Variants in NOSIP observed in about 807,000 individuals in gnomAD.
NOSIP encodes the protein nitric oxide synthase interacting protein, also known as nitric oxide synthase-interacting protein.
In NOSIP, 25 loss-of-function variants were observed where a neutral mutation model predicts 36.4. The ratio of observed to expected loss-of-function variants is 0.69; its 90% CI spans 0.50 to 0.96. NOSIP has a LOEUF of 0.96. NOSIP is among the 40% of genes least tolerant of loss of function. The pLI is 0.00. For synonymous variants in NOSIP, 187 were observed against 179.2 expected, an observed-to-expected ratio of 1.04 and a Z score of -0.35; for missense variants, 370 against 429.0, an observed-to-expected ratio of 0.86 and a Z score of 1.21.
intron 1 of NOSIP, among the ~76,000 whole-genome samples, chr19:49,569,899 G>C (rs902671621): frequency 1.3e-5 from 2 of 151,886 alleles, no homozygotes; most frequent in Non-Finnish European, 2.9e-5. Flanking sequence ...ATCACCTGAG[G>C]TCAGGAGTTC....
chr19:49,559,155 G>A (rs1321651470), intron 3 of NOSIP, 177 bp from the exon 4 acceptor site: 11 of 623,998 alleles, frequency 1.8e-5, no homozygotes, highest in African/African-American at 1.6e-4. Flanking sequence ...TGCAGTGAAA[G>A]GATGCAGATT....
chr19:49,568,828 G>C (rs977248436), intron 1 of NOSIP, among the ~76,000 whole-genome samples: 1 of 137,198 alleles, frequency 7.3e-6, no homozygotes, highest in Non-Finnish European at 1.5e-5. Flanking sequence ...TTTTGAGACA[G>C]AGTCTTGCTC....
chr19:49,560,756 C>T lies in NOSIP; in HGVS notation c.-1-64G>A. 1 of 1,239,982 alleles carries T rather than the reference C, an allele frequency of 8.1e-7. No homozygotes were observed. Among genetic ancestry groups the T allele is most frequent in the South Asian group, 1.3e-5 (1 of 78,052 alleles). 76.8% of individuals were successfully genotyped at this position (1,239,982 alleles called of 1,614,324 possible). On this transcript the variant is annotated intron_variant, in intron 1 of 8. Coordinates refer to ENST00000596358, the MANE Select transcript of NOSIP (RefSeq NM_001270960.2). This position sits in a 1 kb window ranked among gnomAD's most constrained non-coding sequence, Gnocchi z 4.6. The stretch of plus-strand genomic sequence containing the variant: ...GAGGCAGGCAGCACAGGGAAGACCT[C>T]TGCAGCCCTCAGAGCTGATCTGCCC...
intron 1 of NOSIP, among the ~76,000 whole-genome samples, chr19:49,578,983 A>G (rs941739891): frequency 1.3e-5 from 2 of 152,344 alleles, no homozygotes; most frequent in East Asian, 1.9e-4. Context: ...TGAGACCACA[A>G]AAAAGCAAAC....
In NOSIP at chr19:49,557,253, C is replaced by T. The variant is rs138047585; in HGVS notation, c.259-4G>A. 4.4e-6 allele frequency: 7 copies of T among 1,576,548 alleles called. No individual in the cohort carries two copies. Among genetic ancestry groups the T allele is most frequent in the Non-Finnish European group, 6.0e-6 (7 of 1,162,364 alleles). On this transcript the variant is annotated splice_polypyrimidine_tract_variant and splice_region_variant and intron_variant, in intron 4 of 8. Transcript: ENST00000596358. Reference sequence around the variant, plus strand: ...TGCCCCGCTGCTTCTCGTAGGCCTGCGTCGGGGAAAGTGGGCTGAGCATCT... The same window carrying T: ...TGCCCCGCTGCTTCTCGTAGGCCTGTGTCGGGGAAAGTGGGCTGAGCATCT...
rs764246231 is a variant in NOSIP at position 49,555,725 on chromosome 19, C to T, written c.*26G>A. On this transcript the variant is annotated 3_prime_UTR_variant, in exon 9 of 9. Transcript: ENST00000596358. ...GCGCCACGTCGTTGCGCACCCAAGCCGGTTTATTTGGTCTCCCGCACACAC... is the reference window on the plus strand; with the variant it reads ...GCGCCACGTCGTTGCGCACCCAAGCTGGTTTATTTGGTCTCCCGCACACAC... 3.1e-6 allele frequency: 5 copies of T among 1,605,268 alleles called. No homozygotes were observed. The highest frequency in any genetic ancestry group is 2.7e-5 in the African/African-American group (2 of 74,758).
At chr19:49,575,371 C>G (rs2080538476) in intron 1 of NOSIP, among the ~76,000 whole-genome samples, 1 of 152,152 alleles carries the variant, frequency 6.6e-6, no homozygotes, top group South Asian at 2.1e-4. Context: ...TCCACAAAGG[C>G]CCTACCTCCA....
intron 1 of NOSIP, among the ~76,000 whole-genome samples, chr19:49,573,745 C>T (rs569356041): frequency 6.6e-6 from 1 of 152,188 alleles, no homozygotes; most frequent in African/African-American, 2.4e-5. Context: ...TGAACACATT[C>T]GGTCCTCATG....
chr19:49,557,436 G>C, intron 4 of NOSIP, 187 bp from the exon 5 acceptor site: 1 of 1,422,944 alleles, frequency 7.0e-7, no homozygotes, highest in Middle Eastern at 2.6e-4. Flanking sequence ...GACTGCCAGG[G>C]CTCAAAGCCC....
At chr19:49,570,024 G>A (rs1274390099) in intron 1 of NOSIP, among the ~76,000 whole-genome samples, 1 of 151,856 alleles carries the variant, frequency 6.6e-6, no homozygotes, top group East Asian at 1.9e-4. Flanking sequence ...CACAAGAATC[G>A]CTTGAACCCA....
chr19:49,571,715 G>A (rs978995688), intron 1 of NOSIP, among the ~76,000 whole-genome samples: 3 of 152,068 alleles, frequency 2.0e-5, no homozygotes, highest in African/African-American at 4.8e-5. Context: ...GGCTGGCCAC[G>A]GTGGCTTAAA....
At chr19:49,575,425 G>C (rs960433892) in intron 1 of NOSIP, among the ~76,000 whole-genome samples, 3 of 152,056 alleles carry the variant, frequency 2.0e-5, no homozygotes, top group African/African-American at 7.2e-5. Flanking sequence ...ATACGAATCT[G>C]GGGGGGACAT....
intron 1 of NOSIP, among the ~76,000 whole-genome samples, chr19:49,564,595 C>T (rs1385112287): frequency 6.6e-6 from 1 of 151,992 alleles, no homozygotes; most frequent in Non-Finnish European, 1.5e-5. Flanking sequence ...CAGGGGAGTG[C>T]AGACCAGCAC....
chr19:49,558,325 T>C (rs2080284350), intron 4 of NOSIP: 1 of 149,382 alleles, frequency 6.7e-6, no homozygotes, highest in African/African-American at 2.5e-5. Flanking sequence ...CTCAGCTCAC[T>C]GCGACCTCTA....
chr19:49,576,609 G>T (rs914877249), intron 1 of NOSIP, among the ~76,000 whole-genome samples: 4 of 151,696 alleles, frequency 2.6e-5, no homozygotes, highest in Admixed American at 6.6e-5. Context: ...AAAATGCCAG[G>T]TGAGGTGGCT....
intron 1 of NOSIP, among the ~76,000 whole-genome samples, chr19:49,574,053 G>A (rs942474047): frequency 1.3e-5 from 2 of 152,014 alleles, no homozygotes; most frequent in African/African-American, 2.4e-5. Context: ...GTAGAGACGG[G>A]GTTTCACCAT....
At chr19:49,577,767 G>T (rs200657042) in intron 1 of NOSIP, among the ~76,000 whole-genome samples, 1 of 121,650 alleles carries the variant, frequency 8.2e-6, no homozygotes, top group East Asian at 2.4e-4. Flanking sequence ...CGTGTCTCGG[G>T]AAAAAAAAAA....
chr19:49,568,090 C>G (rs191362534), intron 1 of NOSIP, among the ~76,000 whole-genome samples: 79 of 152,254 alleles, frequency 5.2e-4, no homozygotes, highest in Middle Eastern at 6.8e-3. Context: ...ACAGAGAAAA[C>G]AGGATTGTGT....
chr19:49,580,285 A>G (rs560955689), intron 1 of NOSIP, among the ~76,000 whole-genome samples: 2 of 145,030 alleles, frequency 1.4e-5, no homozygotes, highest in Admixed American at 1.4e-4. Flanking sequence ...GACTGAGTTT[A>G]TAGTGAGAGA....
Sources: allele counts gnomAD v4.1 joint callset (sites outside exome capture counted in the v4.1 genomes callset), GRCh38; gene constraint gnomAD v4.1.1; non-coding constraint Gnocchi (gnomAD v3.1); transcripts MANE v1.5; gene names NCBI Gene and HGNC (gene_info 2026-07-23, HGNC 2026-07-21).